CFAP47: variants seen among roughly 807,000 people sequenced by gnomAD.
The protein encoded by CFAP47 is cilia- and flagella-associated protein 47.
In CFAP47, 29 loss-of-function variants were observed where a neutral mutation model predicts 148.1. The observed-to-expected ratio is 0.20, with a 90% confidence interval of 0.15 to 0.27. CFAP47 has a LOEUF of 0.27. Among genes scored for constraint, CFAP47 ranks in the 10% least tolerant of loss-of-function variants. The probability of loss-of-function intolerance (pLI) is 1.00; values close to 1 mark genes in which losing one functional copy is unlikely to be tolerated. For missense variants in CFAP47, 1,872 were observed against 1,697.5 expected (o/e 1.10, Z -1.81); for synonymous variants, 664 against 577.3 (o/e 1.15, Z -2.15).
chrX:36,141,895 C>A (rs757479927), intron 35 of CFAP47, among the ~76,000 whole-genome samples: 40 of 109,623 alleles, frequency 3.6e-4, no homozygotes, highest in Non-Finnish European at 5.5e-4. Flanking sequence ...GGCTGAGTGG[C>A]GTCTTTTCTT....
At chrX:36,204,078 G>A (rs905792527) in intron 44 of CFAP47, among the ~76,000 whole-genome samples, 5 of 111,152 alleles carry the variant, frequency 4.5e-5, no homozygotes, top group Non-Finnish European at 9.4e-5. Context: ...CATATCCTTC[G>A]CCCACTTTTT....
chrX:36,038,089 A>G (rs1333584157), intron 24 of CFAP47, among the ~76,000 whole-genome samples: 1 of 111,704 alleles, frequency 9.0e-6, no homozygotes, highest in Non-Finnish European at 1.9e-5. Flanking sequence ...GGCCTTCAGT[A>G]CAGAGAGCAC....
chrX:35,922,575 GGCTTAT>G (rs1935594355), intron 1 of CFAP47, among the ~76,000 whole-genome samples: 1 of 112,680 alleles, frequency 8.9e-6, no homozygotes, highest in Non-Finnish European at 1.9e-5. Flanking sequence ...AACACCCAAA[GGCTTAT>G]GTGGAAAATA....
intron 40 of CFAP47, among the ~76,000 whole-genome samples, chrX:36,182,979 C>A (rs1351436232): frequency 8.9e-6 from 1 of 112,045 alleles, no homozygotes; most frequent in African/African-American, 3.3e-5. Context: ...TTCATGTTCC[C>A]TTCTCCTGCC....
At chrX:36,110,100 A>G (rs188627268) in intron 33 of CFAP47, among the ~76,000 whole-genome samples, 90 of 111,396 alleles carry the variant, frequency 8.1e-4, no homozygotes, top group Admixed American at 1.5e-3. Context: ...TTGCTGTGCA[A>G]AAGCTTATTA....
At chrX:36,337,975 T>C (rs1207193058) in intron 57 of CFAP47, among the ~76,000 whole-genome samples, 1 of 100,283 alleles carries the variant, frequency 1.0e-5, no homozygotes, top group Non-Finnish European at 2.0e-5. Context: ...GTTCACGCCA[T>C]TCTCCTGCCG....
chrX:35,933,827 TG>T (rs1362978024), intron 2 of CFAP47, among the ~76,000 whole-genome samples: 1 of 112,294 alleles, frequency 8.9e-6, no homozygotes, highest in Non-Finnish European at 1.9e-5. Context: ...TGATCAGTGA[TG>T]TTGAGCATTT....
chrX:36,004,032 G>A (rs1424281593), intron 21 of CFAP47, among the ~76,000 whole-genome samples: 23 of 98,624 alleles, frequency 2.3e-4, no homozygotes, highest in African/African-American at 8.9e-4. Flanking sequence ...GAGTGCAGTG[G>A]TGCGATCTCA....
chrX:36,336,186 C>CTCTG (rs782473183), intron 57 of CFAP47, among the ~76,000 whole-genome samples: 4 of 107,128 alleles, frequency 3.7e-5, no homozygotes, highest in Admixed American at 1.0e-4. Context: ...AACACATTCT[C>CTCTG]TCTGTCTGTC....
At chrX:35,988,049 A>G (rs970895347) in intron 15 of CFAP47, among the ~76,000 whole-genome samples, 3 of 111,489 alleles carry the variant, frequency 2.7e-5, no homozygotes, top group Non-Finnish European at 5.7e-5. Flanking sequence ...AGCTGTTCCT[A>G]TTCGGCCATC....
At chrX:36,350,769 T>G (rs1189656015) in intron 59 of CFAP47, among the ~76,000 whole-genome samples, 1 of 109,370 alleles carries the variant, frequency 9.1e-6, no homozygotes, top group Non-Finnish European at 1.9e-5. Context: ...CTCTTCTCAC[T>G]TCTTTTGCAT....
intron 30 of CFAP47, among the ~76,000 whole-genome samples, chrX:36,089,193 C>A (rs1938141431): frequency 9.1e-6 from 1 of 110,059 alleles, no homozygotes; most frequent in African/African-American, 3.3e-5. Context: ...CATGGAGAAG[C>A]CCTGTCTCTA....
intron 56 of CFAP47, among the ~76,000 whole-genome samples, chrX:36,317,408 T>G (rs188974070): frequency 1.7e-3 from 170 of 100,919 alleles, no homozygotes; most frequent in African/African-American, 4.0e-3. Context: ...AAGTTTTGTG[T>G]TTTTTTTTTC....
In CFAP47 at chrX:36,384,854, C is replaced by T. The variant is rs1556024859; in HGVS notation, c.9412C>T (p.Pro3138Ser). 1 of 1,166,713 alleles carries T rather than the reference C, an allele frequency of 8.6e-7. No individual in the cohort carries two copies. Residue 3138 changes from proline to serine, a missense_variant, in exon 64 of 64, where the codon CCA (proline) becomes TCA (serine). Transcript: ENST00000378653. ...TGGATTAACTCCAACTACCGTGCCACCAAAAAATGCAAAAGCCAAAATTGA... is the reference window on the plus strand; with the variant it reads ...TGGATTAACTCCAACTACCGTGCCATCAAAAAATGCAAAAGCCAAAATTGA... Reference protein sequence around the residue: ...INGLTPTTVPPKNAKAKIDAT... With the variant: ...INGLTPTTVPSKNAKAKIDAT...
intron 62 of CFAP47, among the ~76,000 whole-genome samples, chrX:36,371,713 T>C (rs782718000): frequency 3.1e-5 from 2 of 64,627 alleles, no homozygotes; most frequent in Admixed American, 1.5e-4. Flanking sequence ...TGTATATATG[T>C]GTGTATATAC....
At chrX:36,346,877 G>A (rs191077547) in intron 57 of CFAP47, among the ~76,000 whole-genome samples, 13 of 111,661 alleles carry the variant, frequency 1.2e-4, no homozygotes, top group Admixed American at 1.0e-3. Context: ...CACAGGCATG[G>A]GCAAAGACTT....
chrX:36,384,050 C>T (rs140274123), intron 63 of CFAP47, among the ~76,000 whole-genome samples: 8 of 111,759 alleles, frequency 7.2e-5, no homozygotes, highest in South Asian at 7.4e-4. Context: ...AATGGTTATA[C>T]GTACTATGGG....
intron 29 of CFAP47, among the ~76,000 whole-genome samples, chrX:36,074,654 C>T (rs767432872): frequency 9.0e-6 from 1 of 110,561 alleles, no homozygotes; most frequent in Non-Finnish European, 1.9e-5. Context: ...CGGTACACAG[C>T]GTTAATATGG....
intron 25 of CFAP47, among the ~76,000 whole-genome samples, chrX:36,039,618 C>T (rs1206552659): frequency 8.9e-6 from 1 of 112,093 alleles, no homozygotes; most frequent in African/African-American, 3.2e-5. Flanking sequence ...AAGGTGTTGG[C>T]TGCAGTGGCA....
Sources: allele counts gnomAD v4.1 joint callset (sites outside exome capture counted in the v4.1 genomes callset), GRCh38; gene constraint gnomAD v4.1.1; transcripts MANE v1.5; gene names NCBI Gene and HGNC (gene_info 2026-07-23, HGNC 2026-07-21).